Variants in TTC27 observed in about 807,000 individuals in gnomAD.
TTC27 encodes the protein tetratricopeptide repeat domain 27.
TTC27 carries 79 observed loss-of-function variants against 115.9 expected under a neutral mutation model. The ratio of observed to expected loss-of-function variants is 0.68; its 90% CI spans 0.57 to 0.82. The LOEUF (loss-of-function observed/expected upper bound fraction) is 0.82, where lower values mean the gene tolerates loss of function less well. Ranked by LOEUF, TTC27 falls within the 40% of genes least tolerant of loss-of-function variation. The pLI is 0.00. For synonymous variants in TTC27, 401 were observed against 356.0 expected, an observed-to-expected ratio of 1.13 and a Z score of -1.42; for missense variants, 1,054 against 993.1, an observed-to-expected ratio of 1.06 and a Z score of -0.82.
chr2:32,669,506 A>G (rs935683021), intron 7 of TTC27, among the ~76,000 whole-genome samples: 1 of 152,222 alleles, frequency 6.6e-6, no homozygotes, highest in African/African-American at 2.4e-5. Flanking sequence ...AATATACACC[A>G]TCTGTTTAAT....
At position 32,798,657 on chromosome 2, in the gene TTC27, A is replaced by T. The variant is rs192030916; in HGVS notation, c.1998+11508A>T. On this transcript the variant is annotated intron_variant, in intron 16 of 19. Transcript: ENST00000317907. ...GAGGTGGAGCTTACCGTGAGCCAAGATTGCACCACTGCACTCCAGCCTGGG... is the reference window on the plus strand; with the variant it reads ...GAGGTGGAGCTTACCGTGAGCCAAGTTTGCACCACTGCACTCCAGCCTGGG... 5.4e-5 allele frequency among the ~76,000 whole-genome samples: 8 copies of T among 149,368 alleles called. No homozygotes were observed. The East Asian group carries it at 1.4e-3, about 26-fold the overall frequency.
At chr2:32,681,127 G>C (rs1285147442) in intron 9 of TTC27, among the ~76,000 whole-genome samples, 3 of 152,092 alleles carry the variant, frequency 2.0e-5, no homozygotes, top group African/African-American at 7.2e-5. Context: ...TCTTTTTGGA[G>C]GAAAGCTGTT....
At chr2:32,690,342 T>C (rs973213269) in intron 9 of TTC27, among the ~76,000 whole-genome samples, 1 of 151,980 alleles carries the variant, frequency 6.6e-6, no homozygotes, top group Non-Finnish European at 1.5e-5. Context: ...CTACTAGATG[T>C]TGTGGAAAAA....
chr2:32,785,686 C>G (rs573898220), intron 15 of TTC27, among the ~76,000 whole-genome samples: 95 of 152,310 alleles, frequency 6.2e-4, no homozygotes, highest in African/African-American at 2.1e-3. Flanking sequence ...ACCTCCACCT[C>G]CCGGGTTCAA....
intron 9 of TTC27, among the ~76,000 whole-genome samples, chr2:32,701,729 ACTTT>A (rs1667189636): frequency 6.6e-6 from 1 of 152,218 alleles, no homozygotes; most frequent in Non-Finnish European, 1.5e-5. Flanking sequence ...ACAAATACTT[ACTTT>A]ATCTTAGCCT....
chr2:32,629,691 G>A (rs995926144), intron 1 of TTC27, among the ~76,000 whole-genome samples: 3 of 151,376 alleles, frequency 2.0e-5, no homozygotes, highest in African/African-American at 7.3e-5. Flanking sequence ...CACCCACCTC[G>A]GCCTCCCAAA....
chr2:32,665,908 T>A (rs1299471682), intron 6 of TTC27, among the ~76,000 whole-genome samples: 1 of 151,886 alleles, frequency 6.6e-6, no homozygotes, highest in Non-Finnish European at 1.5e-5. Flanking sequence ...TAAAATAAAA[T>A]AAAATAAAAA....
chr2:32,758,608 T>G, intron 13 of TTC27, 89 bp downstream of exon 13: 1 of 1,197,652 alleles, frequency 8.3e-7, no homozygotes, highest in Non-Finnish European at 1.2e-6. Flanking sequence ...TTTTCTAACC[T>G]GATAACTGGT....
chr2:32,640,299 C>T lies in TTC27; in HGVS notation c.426C>T (p.Ser142=). Residue 142 remains serine, a synonymous_variant, in exon 4 of 20, where the codon AGC becomes AGT. Coordinates refer to ENST00000317907, the MANE Select transcript of TTC27 (RefSeq NM_017735.5). ...AAGGACTGGATGCATTTGTTCTGAG[C>T]CTGCTCACTCTAGATGGTGAATCAA... is the stretch of plus-strand genomic sequence containing the variant. ...EVKGLDAFVL[S]LLTLDGESIY... is the part of the protein sequence containing the mutation. The T allele has an allele frequency of 6.2e-7, 1 of 1,613,990 alleles. No individual in the cohort carries two copies. The highest frequency in any genetic ancestry group is 8.5e-7 in the Non-Finnish European group (1 of 1,179,980).
chr2:32,709,552 G>T (rs1470395670), intron 10 of TTC27, among the ~76,000 whole-genome samples: 1 of 152,178 alleles, frequency 6.6e-6, no homozygotes, highest in Non-Finnish European at 1.5e-5. Context: ...GAAATAGAAA[G>T]AAGCAGAAGA....
At chr2:32,781,543 TC>T (rs1303964681) in intron 14 of TTC27, among the ~76,000 whole-genome samples, 1 of 152,166 alleles carries the variant, frequency 6.6e-6, no homozygotes. Context: ...GTTAAATTAT[TC>T]CTAAATCAGC....
In TTC27 at chr2:32,698,458, T is replaced by TA. The variant is rs1372038106; in HGVS notation, c.1120-4349_1120-4348insA. 4.3e-4 allele frequency among the ~76,000 whole-genome samples: 65 copies of TA among 150,306 alleles called. No homozygotes were observed. In the East Asian group the frequency reaches 4.5e-3, roughly 10 times the overall value. On this transcript the variant is annotated intron_variant, in intron 9 of 19. Transcript: ENST00000317907. ...AAGTTATTATTATTATTATTATTAT[T>TA]TTTTAGCATTTGGAACATGTTGTCT...
At chr2:32,802,070 C>T (rs1055375583) in intron 16 of TTC27, among the ~76,000 whole-genome samples, 3 of 151,676 alleles carry the variant, frequency 2.0e-5, no homozygotes, top group African/African-American at 4.9e-5. Context: ...TTCTAGAAAG[C>T]GGATGGAAAA....
In TTC27 at chr2:32,821,047, CTT is replaced by C; in HGVS notation, c.*110_*111del. 1 of 1,106,954 alleles carries C rather than the reference CTT, an allele frequency of 9.0e-7. No homozygotes were observed. The highest frequency in any genetic ancestry group is 1.2e-6 in the Non-Finnish European group (1 of 862,526). 68.6% of individuals were successfully genotyped at this position (1,106,954 alleles called of 1,614,324 possible). ...TTTTTAAAATAAATTTGTTTTATGA[CTT>C]AACATTCTTGGTTTTGTGATGTTTT... On this transcript the variant is annotated 3_prime_UTR_variant, in exon 20 of 20. Transcript: ENST00000317907.
At chr2:32,653,323 G>A (rs551726233) in intron 5 of TTC27, among the ~76,000 whole-genome samples, 1 of 152,076 alleles carries the variant, frequency 6.6e-6, no homozygotes, top group Non-Finnish European at 1.5e-5. Flanking sequence ...CAGTCTCCAC[G>A]GTGGCTCATG....
chr2:32,729,618 A>G (rs541606449), intron 10 of TTC27, among the ~76,000 whole-genome samples: 1 of 152,130 alleles, frequency 6.6e-6, no homozygotes, highest in Non-Finnish European at 1.5e-5. Context: ...AAACAGTCTC[A>G]TATCACAGTA....
At chr2:32,694,492 G>C (rs528091243) in intron 9 of TTC27, among the ~76,000 whole-genome samples, 1 of 151,990 alleles carries the variant, frequency 6.6e-6, no homozygotes, top group African/African-American at 2.4e-5. Context: ...ATCACTTGAG[G>C]CCAGCAGTTT....
At position 32,672,318 on chromosome 2, in the gene TTC27, C is replaced by T; in HGVS notation, c.986C>T (p.Ala329Val). 1.2e-6 allele frequency: 2 copies of T among 1,613,804 alleles called. No homozygotes were observed. Among genetic ancestry groups the T allele is most frequent in the Admixed American group, 1.7e-5 (1 of 59,996 alleles). Residue 329 changes from alanine to valine, a missense_variant, in exon 8 of 20, where the codon GCA becomes GTA. By Grantham distance (64) the Ala-to-Val change is moderately conservative. Transcript: ENST00000317907. ...DDTILNDIKL[A>V]DCEQFQMPDL... ...ACCATTCTGAATGACATAAAGTTAGCAGATTGTGAACAGTTCCAGATGCCG... is the reference window on the plus strand; with the variant it reads ...ACCATTCTGAATGACATAAAGTTAGTAGATTGTGAACAGTTCCAGATGCCG...
chr2:32,692,398 C>T (rs1051821704), intron 9 of TTC27, among the ~76,000 whole-genome samples: 24 of 151,670 alleles, frequency 1.6e-4, no homozygotes, highest in Non-Finnish European at 2.8e-4. Context: ...AAAAGCAGAA[C>T]GGGTTGCCGG....
Sources: gnomAD v4.1 joint callset for allele counts (sites outside exome capture counted in the v4.1 genomes callset) on GRCh38, gnomAD v4.1.1 for gene constraint, MANE v1.5 for transcripts, NCBI Gene and HGNC (gene_info 2026-07-23, HGNC 2026-07-21) for gene names.